The following PCDH11X variants were observed in gnomAD, a reference collection of about 807,000 sequenced individuals.
PCDH11X encodes the protein protocadherin-11 X-linked.
PCDH11X carries 18 observed loss-of-function variants against 53.3 expected under a neutral mutation model. That is an observed-to-expected ratio of 0.34 (90% CI 0.23 to 0.50). The LOEUF is 0.50. Ranked by LOEUF, PCDH11X falls within the 20% of genes least tolerant of loss-of-function variation. The probability of loss-of-function intolerance (pLI) is 0.98; values close to 1 mark genes in which losing one functional copy is unlikely to be tolerated. For synonymous variants in PCDH11X, 279 were observed against 393.3 expected, an observed-to-expected ratio of 0.71 and a Z score of 3.44; for missense variants, 570 against 1,032.4, an observed-to-expected ratio of 0.55 and a Z score of 6.14.
At chrX:91,900,045 T>C (rs1310852887) in intron 6 of PCDH11X, among the ~76,000 whole-genome samples, 1 of 110,751 alleles carries the variant, frequency 9.0e-6, no homozygotes, top group Non-Finnish European at 1.9e-5. Flanking sequence ...GCTGTTGTAG[T>C]TTCCAATTGA....
intron 8 of PCDH11X, among the ~76,000 whole-genome samples, chrX:92,265,097 G>A (rs2067799680): frequency 9.2e-6 from 1 of 109,200 alleles, no homozygotes; most frequent in African/African-American, 3.3e-5. Context: ...ATGGGGTCTC[G>A]CTCTGTTGCT....
At position 92,246,540 on chromosome X, in the gene PCDH11X, C is replaced by T. The variant is rs759349893; in HGVS notation, c.3115-16574C>T. 7.2e-5 allele frequency among the ~76,000 whole-genome samples: 8 copies of T among 110,466 alleles called. No individual in the cohort carries two copies. The South Asian group carries it at 3.1e-3, about 43-fold the overall frequency. ...CTAATTTTTGTATTTTTAGTAGAGA[C>T]GGGGTTTCGCCATGTTGGCCAGGTG... On this transcript the variant is annotated intron_variant, in intron 7 of 10. Coordinates refer to ENST00000682573, the MANE Select transcript of PCDH11X (RefSeq NM_032968.5).
chrX:92,468,349 C>T, intron 10 of PCDH11X, 27 bp downstream of exon 10: 3 of 1,168,318 alleles, frequency 2.6e-6, no homozygotes, highest in Non-Finnish European at 3.4e-6. Context: ...CACAAACCAT[C>T]ACCATGTTGC....
chrX:92,483,635 G>C (rs1361047016), intron 10 of PCDH11X, among the ~76,000 whole-genome samples: 1 of 86,053 alleles, frequency 1.2e-5, no homozygotes, highest in African/African-American at 4.3e-5. Flanking sequence ...CAAGAAACTG[G>C]AGAGCCAATA....
At chrX:92,096,796 A>G (rs2064146048) in intron 6 of PCDH11X, among the ~76,000 whole-genome samples, 1 of 111,205 alleles carries the variant, frequency 9.0e-6, no homozygotes, top group Non-Finnish European at 1.9e-5. Context: ...CTCCCATTGG[A>G]TCACTCCCAC....
At chrX:92,086,450 G>A (rs192105064) in intron 6 of PCDH11X, among the ~76,000 whole-genome samples, 1 of 110,931 alleles carries the variant, frequency 9.0e-6, no homozygotes, top group East Asian at 2.8e-4. Flanking sequence ...CGTCTTTGAA[G>A]TGGAATATTC....
intron 10 of PCDH11X, among the ~76,000 whole-genome samples, chrX:92,585,061 A>G (rs921072599): frequency 9.1e-6 from 1 of 109,816 alleles, no homozygotes; most frequent in Non-Finnish European, 1.9e-5. Context: ...TTCTGGGTAG[A>G]CCTCAGAAAG....
intron 10 of PCDH11X, among the ~76,000 whole-genome samples, chrX:92,470,462 T>C (rs1603338286): frequency 9.6e-6 from 1 of 104,556 alleles, no homozygotes; most frequent in Non-Finnish European, 2.0e-5. Context: ...CTGATTGCTC[T>C]AGCTAGGACT....
intron 6 of PCDH11X, among the ~76,000 whole-genome samples, chrX:91,914,053 C>T (rs1446144817): frequency 1.1e-4 from 12 of 111,890 alleles, no homozygotes; most frequent in African/African-American, 3.9e-4. Context: ...AACTGGGAGA[C>T]CTGAAGACAG....
At chrX:91,780,748 G>T (rs200806081) in intron 1 of PCDH11X, among the ~76,000 whole-genome samples, 1 of 112,802 alleles carries the variant, frequency 8.9e-6, no homozygotes, top group Admixed American at 9.3e-5. Context: ...AGCCGCAAAC[G>T]GGTGTATTTT....
intron 7 of PCDH11X, among the ~76,000 whole-genome samples, chrX:92,239,686 T>G (rs1049764287): frequency 2.7e-5 from 3 of 111,803 alleles, no homozygotes; most frequent in Non-Finnish European, 5.6e-5. Flanking sequence ...ATTGAAAATT[T>G]TGATGTAACT....
At chrX:92,164,348 A>G (rs1239540677) in intron 6 of PCDH11X, among the ~76,000 whole-genome samples, 2 of 112,510 alleles carry the variant, frequency 1.8e-5, no homozygotes, top group African/African-American at 6.5e-5. Flanking sequence ...AAGGAGGAAT[A>G]TGCCACCATC....
At chrX:92,521,282 T>G (rs1039415937) in intron 10 of PCDH11X, among the ~76,000 whole-genome samples, 3 of 112,391 alleles carry the variant, frequency 2.7e-5, no homozygotes, top group African/African-American at 9.7e-5. Context: ...ATTCATGGAC[T>G]ATAGAATGAA....
At chrX:92,248,126 C>A (rs960479405) in intron 7 of PCDH11X, among the ~76,000 whole-genome samples, 1 of 111,557 alleles carries the variant, frequency 9.0e-6, no homozygotes, top group Admixed American at 9.6e-5. Flanking sequence ...AATAGAGTAG[C>A]ATCAACTAAG....
intron 6 of PCDH11X, among the ~76,000 whole-genome samples, chrX:91,964,944 C>A (rs2061844176): frequency 8.9e-6 from 1 of 112,183 alleles, no homozygotes; most frequent in Admixed American, 9.5e-5. Context: ...ACCTTACTAT[C>A]ATTTGTGGGT....
At chrX:92,117,551 C>T (rs751542598) in intron 6 of PCDH11X, among the ~76,000 whole-genome samples, 1 of 111,620 alleles carries the variant, frequency 9.0e-6, no homozygotes, top group African/African-American at 3.3e-5. Context: ...GATTCACTCT[C>T]TTATTTCCTC....
chrX:91,995,375 A>C (rs2062398494), intron 6 of PCDH11X, among the ~76,000 whole-genome samples: 1 of 111,092 alleles, frequency 9.0e-6, no homozygotes, highest in Admixed American at 9.6e-5. Context: ...GTAAGATAAG[A>C]GTCTATGTTT....
chrX:92,030,642 A>G (rs1043295897), intron 6 of PCDH11X, among the ~76,000 whole-genome samples: 6 of 108,391 alleles, frequency 5.5e-5, no homozygotes, highest in Non-Finnish European at 1.1e-4. Context: ...CAACCCTCGA[A>G]CTACTCTCCC....
intron 6 of PCDH11X, among the ~76,000 whole-genome samples, chrX:92,168,660 A>C (rs757875783): frequency 1.8e-5 from 2 of 111,952 alleles, no homozygotes; most frequent in South Asian, 7.4e-4. Flanking sequence ...AGGATGAAGA[A>C]TCAGTTTTCC....
Sources: allele counts gnomAD v4.1 joint callset (sites outside exome capture counted in the v4.1 genomes callset), GRCh38; gene constraint gnomAD v4.1.1; transcripts MANE v1.5; gene names NCBI Gene and HGNC (gene_info 2026-07-23, HGNC 2026-07-21).